The following KCTD10 variants were observed in gnomAD, a reference collection of about 807,000 sequenced individuals.
KCTD10 encodes the protein potassium channel tetramerization domain containing 10, also known as BTB/POZ domain-containing adapter for CUL3-mediated RhoA degradation protein 3.
Under a neutral mutation model 34.6 loss-of-function variants are expected in KCTD10, and 13 were observed. The ratio of observed to expected loss-of-function variants is 0.38; its 90% CI spans 0.24 to 0.60. The LOEUF is 0.60. Among genes scored for constraint, KCTD10 ranks in the 20% least tolerant of loss-of-function variants. The pLI is 0.66. For synonymous variants in KCTD10, 156 were observed against 168.8 expected (o/e 0.92, Z 0.59); for missense variants, 256 against 420.3 (o/e 0.61, Z 3.42).
intron 3 of KCTD10, chr12:109,458,730 C>A (rs1385858829): frequency 6.5e-6 from 1 of 153,580 alleles, no homozygotes; most frequent in Non-Finnish European, 1.4e-5. Context: ...ATGAGCAACC[C>A]CAGCTCCTTC....
intron 6 of KCTD10, 136 bp downstream of exon 6, chr12:109,455,981 AT>A: frequency 1.2e-6 from 1 of 854,918 alleles, no homozygotes; most frequent in Non-Finnish European, 1.8e-6. Context: ...AAAGATAAAT[AT>A]TTTAAGGATG....
At chr12:109,475,168 G>A (rs1032642452) in intron 1 of KCTD10, among the ~76,000 whole-genome samples, 2 of 151,980 alleles carry the variant, frequency 1.3e-5, no homozygotes, top group South Asian at 2.1e-4. Context: ...AATCACCTGC[G>A]TGTGCTTAAA....
intron 1 of KCTD10, among the ~76,000 whole-genome samples, chr12:109,474,561 T>C (rs1440404373): frequency 6.6e-6 from 1 of 151,908 alleles, no homozygotes; most frequent in Non-Finnish European, 1.5e-5. Flanking sequence ...TTTTTAAAAC[T>C]CCCTCAGGAG....
Position 109,471,709 on chromosome 12 carries a change from G to T in KCTD10, c.4-1981C>A, listed in dbSNP as rs10850219. Among the ~76,000 whole-genome samples the T allele has an allele frequency of 4.8e-4, 73 of 152,112 alleles. No homozygotes were observed. The South Asian group carries it at 5.0e-3, about 10-fold the overall frequency. On this transcript the variant is annotated intron_variant, in intron 1 of 6. Transcript: ENST00000228495. ...TCCAAAAACTGTGAAGACCTCGAAGGGGGGGAGAAAAGGCTTACGGTCATG... is the reference window on the plus strand; with the variant it reads ...TCCAAAAACTGTGAAGACCTCGAAGTGGGGGAGAAAAGGCTTACGGTCATG...
intron 6 of KCTD10, chr12:109,455,655 AC>A (rs1872976783): frequency 6.0e-6 from 1 of 167,376 alleles, no homozygotes; most frequent in Non-Finnish European, 1.3e-5. Flanking sequence ...TAAAGAAATG[AC>A]AGAGTGTATA....
Position 109,467,647 on chromosome 12 carries a change from A to G in KCTD10, c.217+1868T>C, listed in dbSNP as rs531901669. ...AAAAAAAGAGAAAAGAATGCCCCAT[A>G]AAATGCCATACCATTAGCTTTTCAT... On this transcript the variant is annotated intron_variant, in intron 2 of 6. Transcript: ENST00000228495. Among the ~76,000 whole-genome samples, 27 of 152,238 alleles carry G rather than the reference A, an allele frequency of 1.8e-4. No homozygotes were observed. The East Asian group carries it at 5.0e-3, about 28-fold the overall frequency.
chr12:109,451,545 C>A lies in KCTD10; in HGVS notation c.*50G>T, dbSNP rs756437155. 5.9e-6 allele frequency: 9 copies of A among 1,537,212 alleles called. No individual in the cohort carries two copies. Among genetic ancestry groups the A allele is most frequent in the African/African-American group, 1.4e-5 (1 of 73,798 alleles). The stretch of plus-strand genomic sequence containing the variant: ...GCCTGCACAGGATCTGGGTGTAGCA[C>A]GGCAGGGAGTGGGGGCGGTGAGAGG... On this transcript the variant is annotated 3_prime_UTR_variant, in exon 7 of 7. Coordinates refer to ENST00000228495, the MANE Select transcript of KCTD10 (RefSeq NM_031954.5). This position sits in a 1 kb window ranked among gnomAD's most constrained non-coding sequence, Gnocchi z 5.0.
chr12:109,469,541 C>T lies in KCTD10; in HGVS notation c.191G>A (p.Arg64His), dbSNP rs771156666. Residue 64 changes from arginine (R) to histidine (H), a missense_variant, in exon 2 of 7, where the codon CGC (arginine) becomes CAC (histidine). By Grantham distance (29) the Arg-to-His change is conservative. This residue lies in a region of KCTD10 where 155 missense variants were observed against 207.0 expected (regional missense o/e 0.75). Coordinates refer to ENST00000228495, the MANE Select transcript of KCTD10 (RefSeq NM_031954.5). ...DTMLKAMFSG[R>H]MEVLTDSEGW... Reference sequence around the variant, plus strand: ...TTCACTGTCGGTGAGCACTTCCATGCGCCCGCTGAACATGGCCTTCAGCAT... The same window carrying T: ...TTCACTGTCGGTGAGCACTTCCATGTGCCCGCTGAACATGGCCTTCAGCAT... 1 of 1,614,152 alleles carries T rather than the reference C, an allele frequency of 6.2e-7. No individual in the cohort carries two copies. Among genetic ancestry groups the T allele is most frequent in the Non-Finnish European group, 8.5e-7 (1 of 1,179,988 alleles).
chr12:109,452,353 T>A (rs1758226141), intron 6 of KCTD10, among the ~76,000 whole-genome samples: 1 of 152,238 alleles, frequency 6.6e-6, no homozygotes, highest in African/African-American at 2.4e-5. Context: ...TCTAAAGCAG[T>A]TTTTTGTACA....
chr12:109,473,469 A>G (rs1040885715), intron 1 of KCTD10, among the ~76,000 whole-genome samples: 2 of 152,156 alleles, frequency 1.3e-5, no homozygotes, highest in Admixed American at 1.3e-4. Flanking sequence ...GTCTCAAACT[A>G]TCTTCTCTTT....
intron 6 of KCTD10, among the ~76,000 whole-genome samples, chr12:109,454,567 A>G (rs1476489433): frequency 6.6e-6 from 1 of 152,174 alleles, no homozygotes; most frequent in East Asian, 1.9e-4. Context: ...AGTCCCTACA[A>G]AAATAAATAA....
intron 2 of KCTD10, among the ~76,000 whole-genome samples, chr12:109,461,170 C>G (rs1873306357): frequency 6.6e-6 from 1 of 152,222 alleles, no homozygotes; most frequent in South Asian, 2.1e-4. Context: ...GGCCACATAC[C>G]AAGGATAGAA....
rs151118344 is a variant in KCTD10, at chr12:109,465,047, A to G, written c.218-4242T>C. On this transcript the variant is annotated intron_variant, in intron 2 of 6. Transcript: ENST00000228495. ...CCCCCTCATTTGCCAAAGTGAAAAT[A>G]TGATTGTCTACGTGCCCCATGATGT... is the stretch of plus-strand genomic sequence containing the variant. Among the ~76,000 whole-genome samples the G allele has an allele frequency of 2.8e-3, 431 of 152,330 alleles. 4 individuals are homozygous for G. The highest frequency in any genetic ancestry group is 0.01 in the African/African-American group (419 of 41,570).
intron 1 of KCTD10, among the ~76,000 whole-genome samples, chr12:109,475,374 G>A (rs1231892198): frequency 1.3e-5 from 2 of 152,146 alleles, no homozygotes; most frequent in Non-Finnish European, 2.9e-5. Context: ...CTACTCGGGA[G>A]ACTGCGGTGG....
At chr12:109,474,744 CAGGG>C (rs1375024960) in intron 1 of KCTD10, among the ~76,000 whole-genome samples, 1 of 152,136 alleles carries the variant, frequency 6.6e-6, no homozygotes, top group Non-Finnish European at 1.5e-5. Context: ...TTCAGAGCCA[CAGGG>C]AGGAAGCAAC....
intron 1 of KCTD10, among the ~76,000 whole-genome samples, chr12:109,476,800 G>T (rs569306071): frequency 1.3e-5 from 2 of 152,134 alleles, no homozygotes; most frequent in South Asian, 2.1e-4. Context: ...AACGCCAAAC[G>T]CTCCGCCCCA....
chr12:109,472,611 A>G (rs1181852824), intron 1 of KCTD10, among the ~76,000 whole-genome samples: 2 of 152,220 alleles, frequency 1.3e-5, no homozygotes, highest in African/African-American at 4.8e-5. Context: ...ATTATCGACT[A>G]TTATGTACTG....
chr12:109,454,451 G>T (rs962554530), intron 6 of KCTD10, among the ~76,000 whole-genome samples: 1 of 152,184 alleles, frequency 6.6e-6, no homozygotes, highest in Non-Finnish European at 1.5e-5. Context: ...GATATGGGCT[G>T]GGTGCAGTGG....
intron 2 of KCTD10, among the ~76,000 whole-genome samples, chr12:109,463,651 C>T (rs1176923103): frequency 3.9e-5 from 6 of 152,188 alleles, no homozygotes; most frequent in African/African-American, 1.2e-4. Context: ...CAGCACTGGA[C>T]TTGGGCTCCA....
Sources: allele counts gnomAD v4.1 joint callset (sites outside exome capture counted in the v4.1 genomes callset), GRCh38; gene constraint gnomAD v4.1.1; regional missense constraint gnomAD v4.1.1; non-coding constraint Gnocchi (gnomAD v3.1); transcripts MANE v1.5; gene names NCBI Gene and HGNC (gene_info 2026-07-23, HGNC 2026-07-21).